The following GNG2 variants were observed in gnomAD, a reference collection of about 807,000 sequenced individuals.
GNG2 encodes guanine nucleotide-binding protein G(I)/G(S)/G(O) subunit gamma-2.
GNG2 carries 5 observed loss-of-function variants against 5.5 expected under a neutral mutation model. That is an observed-to-expected ratio of 0.91 (90% CI 0.48 to 1.92). The LOEUF is 1.92. Ranked by LOEUF, GNG2 falls within the 30% of genes most tolerant of loss-of-function variation. The pLI is 0.01. For missense variants in GNG2, 55 were observed against 88.4 expected (o/e 0.62, Z 1.52); for synonymous variants, 28 against 32.0 (o/e 0.88, Z 0.42).
chr14:51,836,164 T>C (rs1347522192), intron 2 of GNG2, among the ~76,000 whole-genome samples: 7 of 151,932 alleles, frequency 4.6e-5, no homozygotes, highest in African/African-American at 9.7e-5. Context: ...CTCTCCTGTC[T>C]CTTATAAGGG....
chr14:51,869,125 A>C (rs529992376), intron 1 of GNG2, among the ~76,000 whole-genome samples: 2 of 152,246 alleles, frequency 1.3e-5, no homozygotes, highest in Non-Finnish European at 2.9e-5. Flanking sequence ...GAAGACTAAC[A>C]TATGTCAAGA....
rs567721500 is a variant in GNG2 at position 51,896,018 on chromosome 14, A to G, written c.-30+18361A>G. Among the ~76,000 whole-genome samples the G allele has an allele frequency of 2.6e-5, 4 of 152,324 alleles. No individual in the cohort carries two copies. In the South Asian group the frequency reaches 6.2e-4, roughly 24 times the overall value. On this transcript the variant is annotated intron_variant, in intron 2 of 3. Transcript: ENST00000556766. ...AACCTCTTTCTCTTGTAAATTGCCC[A>G]GTCTCGGATATGTCTTGATCAGCGG...
intron 2 of GNG2, among the ~76,000 whole-genome samples, chr14:51,891,086 C>T (rs146280849): frequency 6.8e-4 from 103 of 152,300 alleles, no homozygotes; most frequent in African/African-American, 2.3e-3. Context: ...AATCCTTGTT[C>T]ATGTAGATTC....
chr14:51,904,782 T>G (rs1171331604), intron 2 of GNG2, among the ~76,000 whole-genome samples: 1 of 152,250 alleles, frequency 6.6e-6, no homozygotes, highest in Non-Finnish European at 1.5e-5. Flanking sequence ...GTTTTCGGTG[T>G]CATATTTGTG....
At chr14:51,858,141 T>G (rs1479010493), upstream of GNG2, among the ~76,000 whole-genome samples, 1 of 152,218 alleles carries the variant, frequency 6.6e-6, no homozygotes, top group Non-Finnish European at 1.5e-5. Context: ...AGATGTCATT[T>G]TCCTAAGAAA....
intron 3 of GNG2, among the ~76,000 whole-genome samples, chr14:51,958,136 G>T (rs557600979): frequency 6.6e-6 from 1 of 152,160 alleles, no homozygotes; most frequent in African/African-American, 2.4e-5. Context: ...TGATGTTTCC[G>T]TTGGCACAGA....
At chr14:51,878,580 C>G (rs1883832878) in intron 2 of GNG2, among the ~76,000 whole-genome samples, 1 of 152,128 alleles carries the variant, frequency 6.6e-6, no homozygotes, top group Non-Finnish European at 1.5e-5. Context: ...TTTACTGGAG[C>G]TAGTCATCCA....
chr14:51,856,729 C>T (rs1224750468), upstream of GNG2, among the ~76,000 whole-genome samples: 1 of 152,204 alleles, frequency 6.6e-6, no homozygotes, highest in Non-Finnish European at 1.5e-5. Context: ...CTGAGCCCAG[C>T]CTTAATATTT....
At chr14:51,885,650 A>G (rs926792002) in intron 2 of GNG2, among the ~76,000 whole-genome samples, 1 of 152,152 alleles carries the variant, frequency 6.6e-6, no homozygotes, top group African/African-American at 2.4e-5. Context: ...CATTATTAAT[A>G]TTTCAACATT....
chr14:51,961,253 G>T (rs1049944863), intron 3 of GNG2, among the ~76,000 whole-genome samples: 1 of 152,178 alleles, frequency 6.6e-6, no homozygotes, highest in South Asian at 2.1e-4. Flanking sequence ...AAAATTGGAA[G>T]TATAGAATGC....
intron 3 of GNG2, chr14:51,952,081 T>G (rs919755720): frequency 2.2e-5 from 13 of 598,498 alleles, no homozygotes; most frequent in African/African-American, 2.0e-4. Context: ...ATAGCCAAGG[T>G]TGAGAACCAC....
intron 2 of GNG2, among the ~76,000 whole-genome samples, chr14:51,830,638 A>G (rs1027745372): frequency 6.6e-6 from 1 of 152,166 alleles, no homozygotes; most frequent in South Asian, 2.1e-4. Context: ...TCCATAGCAA[A>G]CTTTGTTGGC....
At chr14:51,846,933 A>C (rs1048436147) in intron 2 of GNG2, among the ~76,000 whole-genome samples, 3 of 151,970 alleles carry the variant, frequency 2.0e-5, no homozygotes, top group Non-Finnish European at 2.9e-5. Flanking sequence ...ATTCTTACTG[A>C]CGTCTTTGTG....
intron 2 of GNG2, among the ~76,000 whole-genome samples, chr14:51,928,437 G>A (rs554520997): frequency 1.3e-5 from 2 of 152,236 alleles, no homozygotes; most frequent in South Asian, 4.2e-4. Flanking sequence ...GAGGCACTGA[G>A]CCTCCTATAA....
At chr14:51,928,631 A>T (rs938996011) in intron 2 of GNG2, among the ~76,000 whole-genome samples, 73 of 152,326 alleles carry the variant, frequency 4.8e-4, no homozygotes, top group African/African-American at 1.6e-3. Context: ...CTGTAATGTC[A>T]TGAAAAATCA....
exon 2 of GNG2, chr14:51,827,694 C>T (rs551856291): frequency 2.1e-5 from 15 of 702,172 alleles, no homozygotes; most frequent in South Asian, 4.4e-5. Context: ...AAAGCAGCAC[C>T]GTGGAGCTGG....
At chr14:51,872,842 T>C (rs1883402366) in intron 1 of GNG2, among the ~76,000 whole-genome samples, 1 of 152,264 alleles carries the variant, frequency 6.6e-6, no homozygotes. Flanking sequence ...TGTTGTTTTG[T>C]AGATTTGTTT....
Position 51,854,783 on chromosome 14 carries a change from G to T in GNG2, c.64+26976G>T, listed in dbSNP as rs535062207. Among the ~76,000 whole-genome samples the T allele has an allele frequency of 1.7e-3, 261 of 152,264 alleles. 3 individuals are homozygous for T. Among genetic ancestry groups the T allele is most frequent in the African/African-American group, 5.8e-3 (243 of 41,544 alleles). On this transcript the variant is annotated intron_variant, in intron 2 of 3. Coordinates refer to the GNG2 transcript ENST00000553432. ...CTACCTTGGCCTCCCAAGGTGCTGG[G>T]ATTACAGGCGTGAGCCACCGCACCC...
chr14:51,925,757 A>G (rs998667580), intron 2 of GNG2, among the ~76,000 whole-genome samples: 3 of 151,006 alleles, frequency 2.0e-5, no homozygotes, highest in Non-Finnish European at 4.4e-5. Context: ...GATTATAGGC[A>G]TGCACCACTA....
Sources: gnomAD v4.1 joint callset for allele counts (sites outside exome capture counted in the v4.1 genomes callset) on GRCh38, gnomAD v4.1.1 for gene constraint, MANE v1.5 for transcripts, NCBI Gene and HGNC (gene_info 2026-07-23, HGNC 2026-07-21) for gene names.